Variants in NEGR1 observed in about 807,000 individuals in gnomAD.
NEGR1 encodes neuronal growth regulator 1, also known as IgLON family member 4.
In NEGR1, 10 loss-of-function variants were observed where a neutral mutation model predicts 40.9. That is an observed-to-expected ratio of 0.24 (90% CI 0.15 to 0.42). NEGR1 has a LOEUF of 0.42. Among genes scored for constraint, NEGR1 ranks in the 10% least tolerant of loss-of-function variants. The pLI, the probability that NEGR1 is intolerant of heterozygous loss-of-function variation, is 1.00. For synonymous variants in NEGR1, 185 were observed against 166.8 expected (o/e 1.11, Z -0.84); for missense variants, 352 against 438.9 (o/e 0.80, Z 1.77).
intron 1 of NEGR1, among the ~76,000 whole-genome samples, chr1:72,254,356 C>T (rs1252559003): frequency 6.6e-6 from 1 of 152,064 alleles, no homozygotes; most frequent in Non-Finnish European, 1.5e-5. Context: ...TCTGGAAGAT[C>T]GTTGTGCTTT....
intron 6 of NEGR1, among the ~76,000 whole-genome samples, chr1:71,435,607 G>C (rs956788673): frequency 6.6e-6 from 1 of 152,108 alleles, no homozygotes; most frequent in African/African-American, 2.4e-5. Context: ...GGAAAGGATA[G>C]GCTAACTCCC....
intron 4 of NEGR1, among the ~76,000 whole-genome samples, chr1:71,665,141 T>A (rs1652196557): frequency 6.6e-6 from 1 of 152,200 alleles, no homozygotes. Context: ...CTGGCTTTCA[T>A]GTGAAAAATG....
chr1:71,870,933 T>C (rs1311917282), intron 2 of NEGR1, among the ~76,000 whole-genome samples: 3 of 152,228 alleles, frequency 2.0e-5, no homozygotes, highest in South Asian at 2.1e-4. Flanking sequence ...AGCAGAGTTT[T>C]GAAAATTCAC....
chr1:71,715,099 T>G (rs1443045250), intron 3 of NEGR1, among the ~76,000 whole-genome samples: 1 of 152,320 alleles, frequency 6.6e-6, no homozygotes, highest in African/African-American at 2.4e-5. Flanking sequence ...TTGACATCTG[T>G]GCATCTGTAG....
chr1:71,685,475 A>G (rs904741622), intron 4 of NEGR1, among the ~76,000 whole-genome samples: 1 of 152,020 alleles, frequency 6.6e-6, no homozygotes, highest in Non-Finnish European at 1.5e-5. Context: ...GGCATGCACC[A>G]CCACACCTGG....
At chr1:71,568,252 G>A (rs1027923564) in intron 6 of NEGR1, among the ~76,000 whole-genome samples, 1 of 152,070 alleles carries the variant, frequency 6.6e-6, no homozygotes, top group Non-Finnish European at 1.5e-5. Flanking sequence ...CTCCTTGATG[G>A]GGGATACGCA....
intron 6 of NEGR1, among the ~76,000 whole-genome samples, chr1:71,589,380 C>T (rs1201877017): frequency 6.6e-6 from 1 of 152,118 alleles, no homozygotes; most frequent in South Asian, 2.1e-4. Flanking sequence ...CTCTACATGG[C>T]TTCTATGAGA....
At chr1:71,905,257 T>G in intron 2 of NEGR1, among the ~76,000 whole-genome samples, 1 of 152,238 alleles carries the variant, frequency 6.6e-6, no homozygotes, top group South Asian at 2.1e-4. Flanking sequence ...AGAAATATTT[T>G]ATTAGTTTTT....
At chr1:71,609,322 T>C (rs957692001) in intron 5 of NEGR1, among the ~76,000 whole-genome samples, 34 of 151,412 alleles carry the variant, frequency 2.2e-4, no homozygotes, top group African/African-American at 8.0e-4. Context: ...AAGACCATCC[T>C]AGCTAACATG....
intron 1 of NEGR1, among the ~76,000 whole-genome samples, chr1:72,037,889 C>T (rs570961957): frequency 7.3e-4 from 110 of 151,450 alleles, no homozygotes; most frequent in Non-Finnish European, 1.4e-3. Context: ...CTGTAATTAA[C>T]AGAGCACCAT....
intron 1 of NEGR1, among the ~76,000 whole-genome samples, chr1:72,255,546 T>C (rs1655240056): frequency 7.8e-6 from 1 of 128,300 alleles, no homozygotes; most frequent in South Asian, 2.4e-4. Flanking sequence ...CAAAAATACT[T>C]CTTTTTTTTT....
chr1:71,789,600 G>A (rs907106471), intron 2 of NEGR1, among the ~76,000 whole-genome samples: 1 of 151,988 alleles, frequency 6.6e-6, no homozygotes, highest in Non-Finnish European at 1.5e-5. Context: ...AGTACTAAGT[G>A]TATAAAATAT....
At chr1:72,240,994 T>A (rs1654713852) in intron 1 of NEGR1, among the ~76,000 whole-genome samples, 1 of 151,826 alleles carries the variant, frequency 6.6e-6, no homozygotes, top group African/African-American at 2.4e-5. Context: ...ATAAAAAAAC[T>A]GCATTGACAG....
intron 1 of NEGR1, among the ~76,000 whole-genome samples, chr1:72,224,306 C>A (rs1183012044): frequency 4.1e-5 from 6 of 145,688 alleles, no homozygotes; most frequent in African/African-American, 1.3e-4. Context: ...CTGTCAGATT[C>A]TTTGACTTTT....
chr1:71,984,934 T>C (rs944568755), intron 1 of NEGR1, among the ~76,000 whole-genome samples: 1 of 152,180 alleles, frequency 6.6e-6, no homozygotes. Flanking sequence ...CTTTTACATA[T>C]ATTATAAATA....
At chr1:71,700,655 A>G (rs1386367262) in intron 3 of NEGR1, among the ~76,000 whole-genome samples, 1 of 151,978 alleles carries the variant, frequency 6.6e-6, no homozygotes, top group Non-Finnish European at 1.5e-5. Context: ...TTACTGACTT[A>G]AAACCATGCA....
intron 3 of NEGR1, among the ~76,000 whole-genome samples, chr1:71,761,792 A>G (rs1655951933): frequency 6.6e-6 from 1 of 152,126 alleles, no homozygotes. Context: ...TTGAACTGCC[A>G]TAAAAGAACG....
At chr1:72,248,945 A>C (rs1654997416) in intron 1 of NEGR1, among the ~76,000 whole-genome samples, 1 of 152,184 alleles carries the variant, frequency 6.6e-6, no homozygotes, top group African/African-American at 2.4e-5. Context: ...TATTATCTGT[A>C]AAGTTAGACT....
At chr1:71,921,089 C>A (rs1645712660) in intron 2 of NEGR1, among the ~76,000 whole-genome samples, 2 of 152,038 alleles carry the variant, frequency 1.3e-5, no homozygotes, top group South Asian at 4.1e-4. Context: ...ATCTTACTTT[C>A]TAATAATTAG....
Sources: gnomAD v4.1 joint callset for allele counts (sites outside exome capture counted in the v4.1 genomes callset) on GRCh38, gnomAD v4.1.1 for gene constraint, MANE v1.5 for transcripts, NCBI Gene and HGNC (gene_info 2026-07-23, HGNC 2026-07-21) for gene names.